The following RPL39L variants were observed in gnomAD, a reference collection of about 807,000 sequenced individuals.
The protein encoded by RPL39L is ribosomal protein L39 like, also known as ribosomal protein eL39-like 2.
For missense variants in RPL39L, 48 were observed against 58.9 expected, an observed-to-expected ratio of 0.81 and a Z score of 0.61; for synonymous variants, 16 against 20.1, an observed-to-expected ratio of 0.80 and a Z score of 0.55.
intron 2 of RPL39L, among the ~76,000 whole-genome samples, chr3:187,122,381 CA>C (rs1220656024): frequency 1.8e-5 from 1 of 55,346 alleles, no homozygotes; most frequent in Non-Finnish European, 3.0e-5. Flanking sequence ...TCTGTCATGA[CA>C]AAGGCATTTT....
At chr3:187,124,047 A>C (rs1281364560) in intron 2 of RPL39L, among the ~76,000 whole-genome samples, 1 of 152,236 alleles carries the variant, frequency 6.6e-6, no homozygotes, top group Non-Finnish European at 1.5e-5. Flanking sequence ...GTAAGTCAGT[A>C]GTCCTCATTC....
chr3:187,137,311 C>T (rs751272841), intron 1 of RPL39L, among the ~76,000 whole-genome samples: 4 of 151,340 alleles, frequency 2.6e-5, no homozygotes, highest in Admixed American at 6.6e-5. Flanking sequence ...GAGTTCCAGA[C>T]CAGCCTGGCC....
chr3:187,128,893 T>C (rs926845832), intron 1 of RPL39L, among the ~76,000 whole-genome samples: 6 of 152,252 alleles, frequency 3.9e-5, no homozygotes, highest in African/African-American at 1.4e-4. Context: ...AACGTCCATT[T>C]ATGTGGTAAC....
intron 1 of RPL39L, among the ~76,000 whole-genome samples, chr3:187,134,964 G>C (rs1421588577): frequency 1.3e-5 from 2 of 152,226 alleles, no homozygotes; most frequent in South Asian, 2.1e-4. Context: ...GCTGTTGCAC[G>C]TAAGAGTGAC....
At chr3:187,122,124 T>C (rs1720321010) in intron 2 of RPL39L, among the ~76,000 whole-genome samples, 1 of 152,254 alleles carries the variant, frequency 6.6e-6, no homozygotes, top group Non-Finnish European at 1.5e-5. Context: ...TGGCTGTGCA[T>C]ACTAATATTT....
At chr3:187,129,616 G>A (rs1156684979) in intron 1 of RPL39L, among the ~76,000 whole-genome samples, 1 of 152,068 alleles carries the variant, frequency 6.6e-6, no homozygotes, top group Non-Finnish European at 1.5e-5. Context: ...TATATTAAAT[G>A]GTGTTTACCT....
At chr3:187,136,347 T>C (rs1048146063) in intron 1 of RPL39L, among the ~76,000 whole-genome samples, 2 of 152,230 alleles carry the variant, frequency 1.3e-5, no homozygotes, top group African/African-American at 4.8e-5. Context: ...CCACCCTCCC[T>C]GATGACATCT....
chr3:187,129,023 C>G (rs1421953293), intron 1 of RPL39L, among the ~76,000 whole-genome samples: 1 of 152,172 alleles, frequency 6.6e-6, no homozygotes, highest in African/African-American at 2.4e-5. Flanking sequence ...GCAAAATGAC[C>G]ATATGTTATG....
At chr3:187,136,424 TAG>T (rs1454786035) in intron 1 of RPL39L, among the ~76,000 whole-genome samples, 8 of 152,188 alleles carry the variant, frequency 5.3e-5, no homozygotes, top group Non-Finnish European at 1.0e-4. Context: ...GCCAAAGCAG[TAG>T]AGATAGGTCT....
intron 2 of RPL39L, 27 bp from the exon 3 acceptor site, chr3:187,121,355 C>G (rs1021467482): frequency 6.3e-7 from 1 of 1,583,158 alleles, no homozygotes. Flanking sequence ...GAGAGAGAGA[C>G]AGAGACAATA....
chr3:187,132,568 C>T (rs1437496353), intron 1 of RPL39L, among the ~76,000 whole-genome samples: 1 of 152,210 alleles, frequency 6.6e-6, no homozygotes, highest in African/African-American at 2.4e-5. Flanking sequence ...AAGAACTTCC[C>T]TGCTTTAGTA....
intron 2 of RPL39L, among the ~76,000 whole-genome samples, chr3:187,122,800 T>C (rs1229022924): frequency 6.6e-6 from 1 of 152,150 alleles, no homozygotes; most frequent in Non-Finnish European, 1.5e-5. Context: ...AATCAGGTTC[T>C]GCTAAAGAAA....
At chr3:187,121,418 G>A in intron 2 of RPL39L, 90 bp from the exon 3 acceptor site, 1 of 1,297,548 alleles carries the variant, frequency 7.7e-7, no homozygotes, top group South Asian at 1.4e-5. Context: ...CAAGAAAGAG[G>A]ATCTTTAGTG....
At chr3:187,135,377 G>C (rs913116832) in intron 1 of RPL39L, among the ~76,000 whole-genome samples, 41 of 152,290 alleles carry the variant, frequency 2.7e-4, no homozygotes, top group African/African-American at 9.4e-4. Flanking sequence ...TGAATCATGA[G>C]GGCGGGTCTT....
intron 1 of RPL39L, among the ~76,000 whole-genome samples, chr3:187,131,902 C>T (rs981065823): frequency 5.9e-5 from 9 of 152,154 alleles, no homozygotes; most frequent in Admixed American, 5.9e-4. Context: ...TTCTGCTGTA[C>T]TAATGTCACT....
Position 187,135,219 on chromosome 3 carries a change from T to C in RPL39L, c.-93+3994A>G, listed in dbSNP as rs947012771. On this transcript the variant is annotated intron_variant, in intron 1 of 2. Transcript: ENST00000296277. ...AGGCTTTGTCAAATACTGTGGCTCC[T>C]GAGGCAAAGCAGTTCAGAAGCATAG... Among the ~76,000 whole-genome samples, 7 of 152,322 alleles carry C rather than the reference T, an allele frequency of 4.6e-5. No individual in the cohort carries two copies. The East Asian group carries it at 1.2e-3, about 25-fold the overall frequency.
chr3:187,122,044 A>C (rs563370705), intron 2 of RPL39L, among the ~76,000 whole-genome samples: 6 of 152,372 alleles, frequency 3.9e-5, no homozygotes, highest in Non-Finnish European at 7.3e-5. Flanking sequence ...GAATGTATAC[A>C]TTTAAAACAT....
At chr3:187,128,597 A>C (rs559774326) in intron 1 of RPL39L, among the ~76,000 whole-genome samples, 3 of 152,226 alleles carry the variant, frequency 2.0e-5, no homozygotes, top group Admixed American at 6.5e-5. Context: ...GCAGCCTCAA[A>C]TGCCTGGCCT....
At chr3:187,135,891 T>G (rs1720571077) in intron 1 of RPL39L, among the ~76,000 whole-genome samples, 1 of 152,258 alleles carries the variant, frequency 6.6e-6, no homozygotes, top group Non-Finnish European at 1.5e-5. Context: ...GGAGCAGGCA[T>G]GCCGCATGGC....
Sources: allele counts gnomAD v4.1 joint callset (sites outside exome capture counted in the v4.1 genomes callset), GRCh38; gene constraint gnomAD v4.1.1; transcripts MANE v1.5; gene names NCBI Gene and HGNC (gene_info 2026-07-23, HGNC 2026-07-21).